ST8SIA6: variants seen among roughly 807,000 people sequenced by gnomAD.
ST8SIA6 encodes the protein alpha-2,8-sialyltransferase 8F.
In ST8SIA6, 39 loss-of-function variants were observed where a neutral mutation model predicts 33.6. The ratio of observed to expected loss-of-function variants is 1.16; its 90% CI spans 0.90 to 1.52. The LOEUF is 1.52. Ranked by LOEUF, ST8SIA6 falls within the 40% of genes most tolerant of loss-of-function variation. The probability of loss-of-function intolerance (pLI) is 0.00; values close to 1 mark genes in which losing one functional copy is unlikely to be tolerated. For synonymous variants in ST8SIA6, 172 were observed against 167.2 expected, an observed-to-expected ratio of 1.03 and a Z score of -0.22; for missense variants, 441 against 443.8, an observed-to-expected ratio of 0.99 and a Z score of 0.06.
intron 3 of ST8SIA6, among the ~76,000 whole-genome samples, chr10:17,377,992 A>T (rs939007689): frequency 6.6e-6 from 1 of 152,204 alleles, no homozygotes; most frequent in African/African-American, 2.4e-5. Context: ...ACAACAGGCA[A>T]TTCATGCCTG....
chr10:17,368,698 A>G (rs547732560), intron 3 of ST8SIA6, among the ~76,000 whole-genome samples: 3 of 152,340 alleles, frequency 2.0e-5, no homozygotes, highest in African/African-American at 7.2e-5. Flanking sequence ...AGTAATAATT[A>G]AGTAAGCTGT....
chr10:17,361,388 A>T (rs1307016763), intron 3 of ST8SIA6, among the ~76,000 whole-genome samples: 1 of 152,020 alleles, frequency 6.6e-6, no homozygotes, highest in African/African-American at 2.4e-5. Context: ...ATAGTTGGTG[A>T]CTTAGGTGCA....
intron 5 of ST8SIA6, 70 bp from the exon 6 acceptor site, chr10:17,327,196 C>T (rs1848161143): frequency 8.5e-7 from 1 of 1,175,952 alleles, no homozygotes; most frequent in Admixed American, 2.2e-5. Flanking sequence ...CAGCTTAATT[C>T]TAGTAACTTA....
At chr10:17,411,884 A>C (rs1358692936) in intron 2 of ST8SIA6, among the ~76,000 whole-genome samples, 2 of 152,052 alleles carry the variant, frequency 1.3e-5, no homozygotes, top group African/African-American at 4.8e-5. Flanking sequence ...CTTCATGATG[A>C]ACATATATTT....
intron 2 of ST8SIA6, among the ~76,000 whole-genome samples, chr10:17,419,623 T>C (rs1851716310): frequency 6.6e-6 from 1 of 152,196 alleles, no homozygotes; most frequent in Admixed American, 6.5e-5. Flanking sequence ...GTTTCCAATA[T>C]GAAGATCATT....
At chr10:17,450,615 A>G (rs1852873520) in intron 2 of ST8SIA6, among the ~76,000 whole-genome samples, 1 of 151,852 alleles carries the variant, frequency 6.6e-6, no homozygotes, top group Non-Finnish European at 1.5e-5. Context: ...TAATTTTTGT[A>G]TCCTCTAGTA....
chr10:17,401,747 G>T (rs1041967358), intron 2 of ST8SIA6, among the ~76,000 whole-genome samples: 1 of 152,122 alleles, frequency 6.6e-6, no homozygotes, highest in African/African-American at 2.4e-5. Context: ...GCTGAAACTG[G>T]ATCCCTTCCT....
At chr10:17,326,805 A>G (rs1167190402) in intron 6 of ST8SIA6, among the ~76,000 whole-genome samples, 1 of 152,196 alleles carries the variant, frequency 6.6e-6, no homozygotes, top group East Asian at 1.9e-4. Flanking sequence ...CTAAACATAT[A>G]TAAACATAGC....
At chr10:17,429,575 C>G (rs562744902) in intron 2 of ST8SIA6, among the ~76,000 whole-genome samples, 2 of 152,170 alleles carry the variant, frequency 1.3e-5, no homozygotes, top group South Asian at 4.2e-4. Flanking sequence ...TCCCACCTCC[C>G]GGGCTCAGGT....
chr10:17,433,579 C>G (rs1229272539), intron 2 of ST8SIA6, among the ~76,000 whole-genome samples: 1 of 152,166 alleles, frequency 6.6e-6, no homozygotes, highest in East Asian at 1.9e-4. Flanking sequence ...AACCAGGTAT[C>G]CACCTCTGGA....
At position 17,326,980 on chromosome 10, in the gene ST8SIA6, A is replaced by G. The variant is rs778541908; in HGVS notation, c.635+34T>C. On this transcript the variant is annotated intron_variant, in intron 6 of 7. Coordinates refer to ENST00000377602, the MANE Select transcript of ST8SIA6 (RefSeq NM_001004470.3). ...CCCCTCTGAAATACCCAACTGATCTATTGTTTCAAAGAAACCAATTTGTCA... is the reference window on the plus strand; with the variant it reads ...CCCCTCTGAAATACCCAACTGATCTGTTGTTTCAAAGAAACCAATTTGTCA... 1.0e-5 allele frequency: 15 copies of G among 1,469,770 alleles called. 1 individual carries two copies. The highest frequency in any genetic ancestry group is 9.7e-5 in the Admixed American group (5 of 51,722). 91.0% of individuals were successfully genotyped at this position (1,469,770 alleles called of 1,614,324 possible).
chr10:17,353,186 G>T (rs1025588642), intron 4 of ST8SIA6, among the ~76,000 whole-genome samples: 2 of 148,880 alleles, frequency 1.3e-5, no homozygotes, highest in Admixed American at 1.3e-4. Flanking sequence ...GAATGAAAAA[G>T]TGTAAGCTCA....
intron 3 of ST8SIA6, among the ~76,000 whole-genome samples, chr10:17,362,140 A>G (rs767968087): frequency 6.6e-6 from 1 of 152,204 alleles, no homozygotes; most frequent in Non-Finnish European, 1.5e-5. Context: ...TCCACATTGT[A>G]TTAGAGGTCC....
intron 5 of ST8SIA6, among the ~76,000 whole-genome samples, chr10:17,329,269 G>A (rs1259829219): frequency 2.6e-5 from 4 of 152,138 alleles, no homozygotes; most frequent in South Asian, 2.1e-4. Flanking sequence ...TTACAGATGC[G>A]AAAATGGAGG....
intron 4 of ST8SIA6, 52 bp downstream of exon 4, chr10:17,359,462 G>A: frequency 7.2e-6 from 10 of 1,396,944 alleles, no homozygotes; most frequent in Non-Finnish European, 9.9e-6. Flanking sequence ...TTTCTACAAA[G>A]CAAATGAACA....
At chr10:17,325,347 T>C (rs994160376) in intron 6 of ST8SIA6, among the ~76,000 whole-genome samples, 8 of 147,278 alleles carry the variant, frequency 5.4e-5, no homozygotes, top group Non-Finnish European at 1.0e-4. Context: ...GTATATATAA[T>C]ATGTAATATA....
Position 17,319,127 on chromosome 10 carries a change from A to T in ST8SIA6, c.*1751T>A, listed in dbSNP as rs1189711384. 6.6e-6 allele frequency among the ~76,000 whole-genome samples: 1 copy of T among 152,212 alleles called. No individual in the cohort carries two copies. The highest frequency in any genetic ancestry group is 1.5e-5 in the Non-Finnish European group (1 of 68,036). ...AAGATAAAAAGAATGCACATGTTAT[A>T]TGTGTCACAATGAATGTGTCTAAAT... On this transcript the variant is annotated 3_prime_UTR_variant, in exon 8 of 8. Transcript: ENST00000377602.
chr10:17,430,093 C>T (rs11254592), intron 2 of ST8SIA6, among the ~76,000 whole-genome samples: 58,837 of 151,916 alleles, frequency 0.39, 15,140 homozygotes, highest in African/African-American at 0.74. Context: ...TTATATGCAC[C>T]CTGTATGCCT....
At chr10:17,338,031 C>A in intron 4 of ST8SIA6, among the ~76,000 whole-genome samples, 1 of 131,456 alleles carries the variant, frequency 7.6e-6, no homozygotes, top group South Asian at 2.5e-4. Flanking sequence ...AAATACTATT[C>A]TTTTTTTTTT....
Sources: allele counts gnomAD v4.1 joint callset (sites outside exome capture counted in the v4.1 genomes callset), GRCh38; gene constraint gnomAD v4.1.1; transcripts MANE v1.5; gene names NCBI Gene and HGNC (gene_info 2026-07-23, HGNC 2026-07-21).